Variants in PPARGC1A observed in about 807,000 individuals in gnomAD.
The protein encoded by PPARGC1A is peroxisome proliferator-activated receptor gamma coactivator 1-alpha.
PPARGC1A carries 25 observed loss-of-function variants against 88.7 expected under a neutral mutation model. The ratio of observed to expected loss-of-function variants is 0.28; its 90% confidence interval spans 0.21 to 0.39. The LOEUF is 0.39. Among genes scored for constraint, PPARGC1A ranks in the 10% least tolerant of loss-of-function variants. The pLI, the probability that PPARGC1A is intolerant of heterozygous loss-of-function variation, is 1.00. For missense variants in PPARGC1A, 880 were observed against 968.7 expected (o/e 0.91, Z 1.22); for synonymous variants, 363 against 355.6 (o/e 1.02, Z -0.24).
chr4:23,960,616 A>C, the PPARGC1A span, among the ~76,000 whole-genome samples: 1 of 152,094 alleles, frequency 6.6e-6, no homozygotes, highest in East Asian at 1.9e-4. Context: ...GAAAATGACT[A>C]CAAGGAAAAT....
the PPARGC1A span, among the ~76,000 whole-genome samples, chr4:24,107,717 A>G: frequency 6.6e-6 from 1 of 152,228 alleles, no homozygotes; most frequent in African/African-American, 2.4e-5. Flanking sequence ...TGTAGTGTGT[A>G]CAGTTGGTTC....
chr4:24,361,851 G>A, the PPARGC1A span, among the ~76,000 whole-genome samples: 2 of 152,146 alleles, frequency 1.3e-5, no homozygotes, highest in Non-Finnish European at 2.9e-5. Context: ...AAGTGAAGAC[G>A]GCCTCAGAGG....
At chr4:23,978,571 T>C in the PPARGC1A span, among the ~76,000 whole-genome samples, 7 of 152,188 alleles carry the variant, frequency 4.6e-5, no homozygotes, top group African/African-American at 1.4e-4. Flanking sequence ...GCACTATTTC[T>C]ATCAGGTTAT....
At chr4:24,364,575 A>G in the PPARGC1A span, among the ~76,000 whole-genome samples, 1 of 152,176 alleles carries the variant, frequency 6.6e-6, no homozygotes, top group South Asian at 2.1e-4. Flanking sequence ...CTTTTTTCTA[A>G]GAATAATAAG....
chr4:24,141,072 A>T, the PPARGC1A span, among the ~76,000 whole-genome samples: 53,796 of 152,146 alleles, frequency 0.35, 11,526 homozygotes, highest in African/African-American at 0.59. Flanking sequence ...GAACAGCCAT[A>T]AGTGCACTGG....
the PPARGC1A span, among the ~76,000 whole-genome samples, chr4:24,096,723 TGA>T: frequency 2.6e-5 from 4 of 152,316 alleles, no homozygotes; most frequent in African/African-American, 4.8e-5. Context: ...AATGTCAAAT[TGA>T]TGCCAAAAAG....
At chr4:23,858,931 G>T (rs773612705) in intron 2 of PPARGC1A, among the ~76,000 whole-genome samples, 1 of 148,808 alleles carries the variant, frequency 6.7e-6, no homozygotes, top group Admixed American at 6.7e-5. Flanking sequence ...AAATTATATA[G>T]ATTTAAAGTG....
intron 5 of PPARGC1A, among the ~76,000 whole-genome samples, chr4:23,827,659 C>A (rs1328083825): frequency 6.6e-6 from 1 of 152,124 alleles, no homozygotes; most frequent in African/African-American, 2.4e-5. Context: ...GAACCATCAG[C>A]CTTCTCCAGC....
At chr4:24,239,902 C>T in the PPARGC1A span, among the ~76,000 whole-genome samples, 1 of 151,330 alleles carries the variant, frequency 6.6e-6, no homozygotes, top group Non-Finnish European at 1.5e-5. Context: ...GTTTCTTCTA[C>T]CTGTCTCGCT....
At chr4:24,167,426 A>T in the PPARGC1A span, among the ~76,000 whole-genome samples, 14 of 152,340 alleles carry the variant, frequency 9.2e-5, no homozygotes, top group African/African-American at 3.4e-4. Flanking sequence ...AATATTACAT[A>T]AACTTAGTTG....
At chr4:23,994,787 T>C in the PPARGC1A span, among the ~76,000 whole-genome samples, 1 of 152,048 alleles carries the variant, frequency 6.6e-6, no homozygotes, top group Non-Finnish European at 1.5e-5. Context: ...GACCCCAAAG[T>C]CCTATCAGAA....
chr4:23,947,598 A>G, the PPARGC1A span, among the ~76,000 whole-genome samples: 4 of 151,696 alleles, frequency 2.6e-5, no homozygotes, highest in Non-Finnish European at 4.4e-5. Context: ...GCTTGTTGAC[A>G]ACGCTTTACT....
the PPARGC1A span, among the ~76,000 whole-genome samples, chr4:24,004,116 G>A: frequency 1.1e-4 from 16 of 152,270 alleles, no homozygotes; most frequent in Admixed American, 7.8e-4. Flanking sequence ...GTTGGGCATC[G>A]TTGGCTTGAG....
the PPARGC1A span, among the ~76,000 whole-genome samples, chr4:24,057,953 T>C: frequency 1.3e-5 from 2 of 152,134 alleles, no homozygotes; most frequent in African/African-American, 2.4e-5. Flanking sequence ...CATTTGAGCA[T>C]GCTCATGCAT....
the PPARGC1A span, among the ~76,000 whole-genome samples, chr4:24,437,820 G>GT: frequency 0.083 from 12,644 of 151,694 alleles, 759 homozygotes; most frequent in Middle Eastern, 0.16. Context: ...TTTGTTTCTA[G>GT]TTTTTTTGTT....
At chr4:23,928,864 A>G in the PPARGC1A span, among the ~76,000 whole-genome samples, 3 of 152,086 alleles carry the variant, frequency 2.0e-5, no homozygotes, top group Non-Finnish European at 4.4e-5. Context: ...ATCCTCAGCA[A>G]ACTAATGCAG....
At chr4:24,012,601 C>T in the PPARGC1A span, among the ~76,000 whole-genome samples, 5 of 152,082 alleles carry the variant, frequency 3.3e-5, no homozygotes, top group Non-Finnish European at 7.4e-5. Context: ...ATCTTGAACT[C>T]AGTCGTGGCT....
the PPARGC1A span, among the ~76,000 whole-genome samples, chr4:24,211,662 AGCCACTTATAAAC>A: frequency 2.0e-5 from 3 of 152,184 alleles, no homozygotes; most frequent in African/African-American, 7.2e-5. Context: ...ATCCAAGCTC[AGCCACTTATAAAC>A]GTAGGTCCCT....
At chr4:24,143,627 T>C in the PPARGC1A span, among the ~76,000 whole-genome samples, 2 of 151,226 alleles carry the variant, frequency 1.3e-5, no homozygotes, top group African/African-American at 2.5e-5. Flanking sequence ...GATAGATAGA[T>C]AGATAGATGA....
Sources: allele counts gnomAD v4.1 joint callset (sites outside exome capture counted in the v4.1 genomes callset), GRCh38; gene constraint gnomAD v4.1.1; transcripts MANE v1.5; gene names NCBI Gene and HGNC (gene_info 2026-07-23, HGNC 2026-07-21).